CNTNAP5: variants seen among roughly 807,000 people sequenced by gnomAD.
CNTNAP5 encodes the protein contactin associated protein family member 5.
A neutral mutation model predicts 150.2 loss-of-function variants in CNTNAP5; 72 were observed. The observed-to-expected ratio is 0.48, with a 90% confidence interval of 0.40 to 0.58. The LOEUF is 0.58. CNTNAP5 is among the 20% of genes least tolerant of loss of function. The pLI is 0.00. For synonymous variants in CNTNAP5, 672 were observed against 619.8 expected, an observed-to-expected ratio of 1.08 and a Z score of -1.25; for missense variants, 1,636 against 1,626.2, an observed-to-expected ratio of 1.01 and a Z score of -0.10.
intron 6 of CNTNAP5, among the ~76,000 whole-genome samples, chr2:124,458,443 CTACTCG>C (rs1693172657): frequency 6.6e-6 from 1 of 151,410 alleles, no homozygotes; most frequent in Non-Finnish European, 1.5e-5. Context: ...TCGTCTGTTC[CTACTCG>C]TATGTGGTTG....
intron 11 of CNTNAP5, among the ~76,000 whole-genome samples, chr2:124,580,778 G>A (rs1204707445): frequency 6.6e-6 from 1 of 152,226 alleles, no homozygotes; most frequent in Non-Finnish European, 1.5e-5. Context: ...AACAAGGTGA[G>A]AGGACAAAAC....
chr2:124,668,969 A>G (rs1000691978), intron 13 of CNTNAP5, among the ~76,000 whole-genome samples: 3 of 152,182 alleles, frequency 2.0e-5, no homozygotes, highest in African/African-American at 7.2e-5. Flanking sequence ...TCCCACTTCC[A>G]GAGGTGCCTT....
chr2:124,911,396 G>T, intron 22 of CNTNAP5, 71 bp from the exon 23 acceptor site: 3 of 1,096,184 alleles, frequency 2.7e-6, no homozygotes, highest in Non-Finnish European at 4.1e-6. Flanking sequence ...CATTCCAGGT[G>T]GGCCACACTG....
intron 17 of CNTNAP5, among the ~76,000 whole-genome samples, chr2:124,777,243 T>C (rs1259681652): frequency 6.6e-6 from 1 of 152,028 alleles, no homozygotes; most frequent in Non-Finnish European, 1.5e-5. Context: ...TGAAAAAACA[T>C]TGGTTCTGTT....
chr2:124,659,594 C>A (rs1270677028), intron 13 of CNTNAP5, among the ~76,000 whole-genome samples: 1 of 152,004 alleles, frequency 6.6e-6, no homozygotes, highest in Non-Finnish European at 1.5e-5. Flanking sequence ...TGCGAAATAG[C>A]TAACATATTG....
chr2:124,205,482 C>T (rs757733948), intron 1 of CNTNAP5, among the ~76,000 whole-genome samples: 1 of 151,284 alleles, frequency 6.6e-6, no homozygotes, highest in African/African-American at 2.4e-5. Flanking sequence ...GCAATGGTGC[C>T]GTCTCAGCTC....
intron 1 of CNTNAP5, among the ~76,000 whole-genome samples, chr2:124,059,920 G>A (rs1213938): frequency 0.25 from 38,593 of 151,980 alleles, 5,139 homozygotes; most frequent in South Asian, 0.32. Context: ...GGAAAGCAAT[G>A]TTATGCTGGA....
chr2:124,741,415 T>C (rs1680495480), intron 13 of CNTNAP5, among the ~76,000 whole-genome samples: 1 of 152,178 alleles, frequency 6.6e-6, no homozygotes, highest in African/African-American at 2.4e-5. Context: ...ATTGAAACAA[T>C]TGCAAGATTA....
intron 3 of CNTNAP5, among the ~76,000 whole-genome samples, chr2:124,283,649 T>C (rs555277446): frequency 5.3e-5 from 8 of 152,328 alleles, no homozygotes; most frequent in African/African-American, 1.7e-4. Context: ...GAGGGACTAT[T>C]AGTCTGTTTG....
intron 13 of CNTNAP5, among the ~76,000 whole-genome samples, chr2:124,687,266 G>A (rs1679211621): frequency 6.6e-6 from 1 of 151,876 alleles, no homozygotes. Flanking sequence ...CCTGAGCACT[G>A]CATTATAAGA....
chr2:124,195,046 TAA>T (rs11386942), intron 1 of CNTNAP5, among the ~76,000 whole-genome samples: 2 of 149,348 alleles, frequency 1.3e-5, no homozygotes, highest in African/African-American at 4.9e-5. Context: ...CAGAATTAAA[TAA>T]AAAAAAAACT....
intron 10 of CNTNAP5, among the ~76,000 whole-genome samples, chr2:124,561,725 T>C (rs1318553008): frequency 6.6e-6 from 1 of 152,206 alleles, no homozygotes; most frequent in Non-Finnish European, 1.5e-5. Flanking sequence ...CTAATATGTC[T>C]GAACATATGC....
intron 6 of CNTNAP5, among the ~76,000 whole-genome samples, chr2:124,454,889 G>A (rs568891340): frequency 2.4e-4 from 37 of 152,004 alleles, no homozygotes; most frequent in South Asian, 1.5e-3. Context: ...GGGATACAGC[G>A]AAAGCAGGGC....
At chr2:124,074,787 T>TTCA (rs1367136205) in intron 1 of CNTNAP5, among the ~76,000 whole-genome samples, 1 of 152,128 alleles carries the variant, frequency 6.6e-6, no homozygotes. Context: ...ATCAGATCTA[T>TTCA]TCATCATCAT....
At chr2:124,192,414 G>A (rs1428129341) in intron 1 of CNTNAP5, among the ~76,000 whole-genome samples, 1 of 152,072 alleles carries the variant, frequency 6.6e-6, no homozygotes, top group African/African-American at 2.4e-5. Flanking sequence ...GCTGTCTAGG[G>A]TGATTCACTG....
rs1272937120 is a variant in CNTNAP5, at chr2:124,341,900, G to A, written c.382-75543G>A. 2.0e-5 allele frequency among the ~76,000 whole-genome samples: 3 copies of A among 152,106 alleles called. No individual in the cohort carries two copies. In the East Asian group the frequency reaches 5.8e-4, roughly 29 times the overall value. On this transcript the variant is annotated intron_variant, in intron 3 of 23. Coordinates refer to ENST00000682447, the MANE Select transcript of CNTNAP5 (RefSeq NM_001367498.1). ...ACCAGTTTTGTCTTGTAGGGCTTCAGAAAACTGATAATTTTAATTTTAGTT... is the reference window on the plus strand; with the variant it reads ...ACCAGTTTTGTCTTGTAGGGCTTCAAAAAACTGATAATTTTAATTTTAGTT...
intron 1 of CNTNAP5, among the ~76,000 whole-genome samples, chr2:124,066,016 A>G (rs904205300): frequency 6.6e-6 from 1 of 152,164 alleles, no homozygotes; most frequent in Non-Finnish European, 1.5e-5. Flanking sequence ...GAGGTAGAGT[A>G]TCAGAGCAGC....
Position 124,557,186 on chromosome 2 carries a change from G to A in CNTNAP5, c.1650-6031G>A, listed in dbSNP as rs115810377. Among the ~76,000 whole-genome samples the A allele has an allele frequency of 1.1e-3, 163 of 152,184 alleles. 1 individual carries two copies. Among genetic ancestry groups the A allele is most frequent in the African/African-American group, 3.9e-3 (160 of 41,534 alleles). On this transcript the variant is annotated intron_variant, in intron 10 of 23. Transcript: ENST00000682447. ...TTGCATTACTGACTTGCATCCCTAA[G>A]TGGCCACTAAAGAACGTCCAATTTA...
chr2:124,260,830 TC>T (rs1687434673), intron 3 of CNTNAP5, among the ~76,000 whole-genome samples: 1 of 152,234 alleles, frequency 6.6e-6, no homozygotes, highest in African/African-American at 2.4e-5. Flanking sequence ...TGGAATCCCT[TC>T]CCCACAGCTC....
Sources: allele counts gnomAD v4.1 joint callset (sites outside exome capture counted in the v4.1 genomes callset), GRCh38; gene constraint gnomAD v4.1.1; transcripts MANE v1.5; gene names NCBI Gene and HGNC (gene_info 2026-07-23, HGNC 2026-07-21).